Variants in ACSF3 observed in about 807,000 individuals in gnomAD.
The protein encoded by ACSF3 is malonate--CoA ligase ACSF3, mitochondrial.
A neutral mutation model predicts 53.2 loss-of-function variants in ACSF3; 78 were observed. That is an observed-to-expected ratio of 1.47 (90% confidence interval 1.22 to 1.77). ACSF3 has a LOEUF of 1.77. ACSF3 is among the 40% of genes most tolerant of loss of function. The probability of loss-of-function intolerance (pLI) is 0.00; values close to 1 mark genes in which losing one functional copy is unlikely to be tolerated. For synonymous variants in ACSF3, 414 were observed against 333.1 expected (o/e 1.24, Z -2.65); for missense variants, 937 against 771.1 (o/e 1.22, Z -2.55).
intron 7 of ACSF3, among the ~76,000 whole-genome samples, chr16:89,127,665 C>T (rs1011963875): frequency 4.6e-5 from 7 of 152,118 alleles, no homozygotes; most frequent in African/African-American, 1.4e-4. Context: ...TGTGCCCTAC[C>T]AACGTTTCTT....
intron 6 of ACSF3, among the ~76,000 whole-genome samples, chr16:89,118,454 C>G (rs1431415301): frequency 6.6e-6 from 1 of 152,264 alleles, no homozygotes; most frequent in Non-Finnish European, 1.5e-5. Flanking sequence ...CACTCTCAGG[C>G]TCTAACCCCC....
At chr16:89,119,905 G>T (rs1212285391) in intron 6 of ACSF3, among the ~76,000 whole-genome samples, 2 of 152,236 alleles carry the variant, frequency 1.3e-5, no homozygotes, top group Non-Finnish European at 2.9e-5. Flanking sequence ...GGAAATCTCA[G>T]CGTGGACTCA....
At chr16:89,096,318 G>T (rs1481524788) in intron 1 of ACSF3, among the ~76,000 whole-genome samples, 1 of 152,220 alleles carries the variant, frequency 6.6e-6, no homozygotes, top group Admixed American at 6.5e-5. Flanking sequence ...GTGATGGGGA[G>T]CCCCACGGTA....
intron 4 of ACSF3, among the ~76,000 whole-genome samples, chr16:89,109,194 T>TGCACTCC (rs1183165316): frequency 2.3e-5 from 3 of 130,510 alleles, no homozygotes; most frequent in African/African-American, 9.0e-5. Context: ...ATCACACCAC[T>TGCACTCC]GCACTCCAGC....
intron 1 of ACSF3, among the ~76,000 whole-genome samples, chr16:89,097,306 T>C (rs1358109026): frequency 1.3e-5 from 2 of 152,258 alleles, no homozygotes; most frequent in African/African-American, 2.4e-5. Flanking sequence ...CCCCCTTTTA[T>C]GTGCTTCTGT....
At chr16:89,144,618 G>T (rs1163599098) in intron 8 of ACSF3, among the ~76,000 whole-genome samples, 1 of 152,238 alleles carries the variant, frequency 6.6e-6, no homozygotes, top group African/African-American at 2.4e-5. Flanking sequence ...GAGAGAAATG[G>T]CAGGACAGGG....
rs531580780 is a variant in ACSF3 at position 89,095,745 on chromosome 16, C to T, written c.-194+1749C>T. ...TCCATGGGGAGCACCCTGCTGAGCA[C>T]GGCGCGGCCGTTTGTCTTCTGCCTG... On this transcript the variant is annotated intron_variant, in intron 1 of 10. Coordinates refer to ENST00000614302, the MANE Select transcript of ACSF3 (RefSeq NM_001243279.3). Among the ~76,000 whole-genome samples the T allele has an allele frequency of 5.9e-5, 9 of 152,382 alleles. No homozygotes were observed. The South Asian group carries it at 1.4e-3, about 25-fold the overall frequency.
At chr16:89,124,663 C>T (rs60626045) in intron 7 of ACSF3, among the ~76,000 whole-genome samples, 3,339 of 151,400 alleles carry the variant, frequency 0.022, 99 homozygotes, top group East Asian at 0.13. Flanking sequence ...TAACTGTGCA[C>T]GCACTGCGTG....
At chr16:89,138,278 TC>T (rs1408546029) in intron 8 of ACSF3, among the ~76,000 whole-genome samples, 1 of 152,200 alleles carries the variant, frequency 6.6e-6, no homozygotes, top group Non-Finnish European at 1.5e-5. Context: ...CCTGGGCTGT[TC>T]CTGTAGCTGT....
intron 1 of ACSF3, among the ~76,000 whole-genome samples, chr16:89,097,204 A>G (rs1974728135): frequency 6.6e-6 from 1 of 152,228 alleles, no homozygotes; most frequent in African/African-American, 2.4e-5. Flanking sequence ...TGTGCACAGC[A>G]CGAGCTTGAA....
At chr16:89,118,884 G>T (rs927186222) in intron 6 of ACSF3, among the ~76,000 whole-genome samples, 4 of 152,182 alleles carry the variant, frequency 2.6e-5, no homozygotes, top group African/African-American at 9.6e-5. Context: ...GCCTGCAGCT[G>T]CGCTCCCATC....
Position 89,133,188 on chromosome 16 carries a change from C to T in ACSF3, c.1292C>T (p.Ser431Phe), listed in dbSNP as rs1057520194. Residue 431 changes from serine to phenylalanine, a missense_variant, in exon 8 of 11, where the codon TCC (serine) becomes TTC (phenylalanine). Ser to Phe is a radical substitution (Grantham distance 155). Transcript: ENST00000614302. ...GGGGAGCTGCTGGTGAGGGGACCCT[C>T]CGTGTTTCGAGAATACTGGAATAAA... ...KEGELLVRGPSVFREYWNKPE... is the reference protein window; with the variant it reads ...KEGELLVRGPFVFREYWNKPE... The T allele has an allele frequency of 1.2e-6, 2 of 1,614,096 alleles. No individual in the cohort carries two copies. The highest frequency in any genetic ancestry group is 2.2e-5 in the South Asian group (2 of 91,082).
chr16:89,096,711 C>G (rs1462216991), intron 1 of ACSF3, among the ~76,000 whole-genome samples: 3 of 152,204 alleles, frequency 2.0e-5, no homozygotes, highest in Admixed American at 2.0e-4. Flanking sequence ...GTGAACACAG[C>G]TGTAGGTGCC....
intron 6 of ACSF3, among the ~76,000 whole-genome samples, chr16:89,117,950 A>AG (rs1905526111): frequency 1.5e-4 from 4 of 27,092 alleles, no homozygotes; most frequent in Admixed American, 4.3e-4. Flanking sequence ...CAGAGCCCAC[A>AG]GTAGGTTCCC....
Position 89,114,410 on chromosome 16 carries a change from C to A in ACSF3, c.1049C>A (p.Thr350Asn). ...AAGTGGAAGAACATCACGGGCCACA[C>A]CCTGCTGGAGCGGTATGGCATGACC... is the stretch of plus-strand genomic sequence containing the variant. ...LEKWKNITGH[T>N]LLERYGMTEI... The change falls in exon 6 of 11, where the codon ACC (threonine) becomes AAC (asparagine). Residue 350 changes from threonine to asparagine, a missense_variant. Thr to Asn is a moderately conservative substitution (Grantham distance 65). Coordinates refer to ENST00000614302, the MANE Select transcript of ACSF3 (RefSeq NM_001243279.3). 6 of 1,614,072 alleles carry A rather than the reference C, an allele frequency of 3.7e-6. No individual in the cohort carries two copies. The highest frequency in any genetic ancestry group is 4.2e-6 in the Non-Finnish European group (5 of 1,180,044).
intron 8 of ACSF3, chr16:89,136,581 C>A (rs769747304): frequency 7.8e-7 from 1 of 1,280,528 alleles, no homozygotes; most frequent in Non-Finnish European, 1.0e-6. Flanking sequence ...TGGCATAAGC[C>A]GGCGGGCACA....
intron 7 of ACSF3, among the ~76,000 whole-genome samples, chr16:89,121,669 C>T (rs1377738547): frequency 1.3e-5 from 2 of 152,186 alleles, no homozygotes; most frequent in Non-Finnish European, 2.9e-5. Flanking sequence ...TTTCAAAGAT[C>T]GAGGGATCCT....
At chr16:89,110,449 G>T (rs558560731) in intron 4 of ACSF3, among the ~76,000 whole-genome samples, 8 of 152,298 alleles carry the variant, frequency 5.3e-5, no homozygotes, top group African/African-American at 1.9e-4. Context: ...TCTTTGCCAA[G>T]AATCACTTGA....
At chr16:89,114,235 A>C in intron 5 of ACSF3, 104 bp from the exon 6 acceptor site, 1 of 1,538,874 alleles carries the variant, frequency 6.5e-7, no homozygotes, top group Admixed American at 1.7e-5. Flanking sequence ...AGGAGCTGCC[A>C]CTTTTGCAAG....
Sources: allele counts gnomAD v4.1 joint callset (sites outside exome capture counted in the v4.1 genomes callset), GRCh38; gene constraint gnomAD v4.1.1; transcripts MANE v1.5; gene names NCBI Gene and HGNC (gene_info 2026-07-23, HGNC 2026-07-21).